GNAQ: variants seen among roughly 807,000 people sequenced by gnomAD.
GNAQ encodes G protein subunit alpha q.
In GNAQ, 8 loss-of-function variants were observed where a neutral mutation model predicts 43.9. That is an observed-to-expected ratio of 0.18 (90% CI 0.11 to 0.33). The LOEUF (loss-of-function observed/expected upper bound fraction) is 0.33. Among genes scored for constraint, GNAQ ranks in the 10% least tolerant of loss-of-function variants. GNAQ has a pLI of 1.00. For synonymous variants in GNAQ, 155 were observed against 170.7 expected (o/e 0.91, Z 0.71); for missense variants, 158 against 450.8 (o/e 0.35, Z 5.88).
chr9:77,909,169 A>G (rs1019896630), intron 2 of GNAQ, among the ~76,000 whole-genome samples: 10 of 152,202 alleles, frequency 6.6e-5, no homozygotes, highest in Admixed American at 1.3e-4. Flanking sequence ...CCACCCACAA[A>G]GCATATGGTA....
intron 1 of GNAQ, among the ~76,000 whole-genome samples, chr9:77,954,424 C>T (rs1823017632): frequency 6.6e-6 from 1 of 152,202 alleles, no homozygotes; most frequent in African/African-American, 2.4e-5. Flanking sequence ...AAGAGAAGAA[C>T]TGAGAGCACT....
chr9:77,906,633 A>G (rs1488460843), intron 2 of GNAQ, among the ~76,000 whole-genome samples: 3 of 152,232 alleles, frequency 2.0e-5, no homozygotes, highest in Admixed American at 1.3e-4. Flanking sequence ...TGAAATCTCC[A>G]AATTTCCAAG....
chr9:77,808,608 A>G (rs1161203741), intron 3 of GNAQ, among the ~76,000 whole-genome samples: 1 of 152,082 alleles, frequency 6.6e-6, no homozygotes, highest in Non-Finnish European at 1.5e-5. Context: ...TTAAGGTGCC[A>G]GGTTTTCATT....
intron 2 of GNAQ, among the ~76,000 whole-genome samples, chr9:77,840,145 T>C (rs1252606082): frequency 1.3e-5 from 2 of 152,312 alleles, no homozygotes; most frequent in East Asian, 1.9e-4. Context: ...TTTGGATGCA[T>C]AGTGTATTCA....
At chr9:77,737,385 G>A (rs1825590577) in intron 5 of GNAQ, among the ~76,000 whole-genome samples, 1 of 152,236 alleles carries the variant, frequency 6.6e-6, no homozygotes. Flanking sequence ...GTATCTAGGA[G>A]ATGGGTAATT....
chr9:77,845,965 A>G (rs922330019), intron 2 of GNAQ, among the ~76,000 whole-genome samples: 11 of 152,182 alleles, frequency 7.2e-5, no homozygotes, highest in African/African-American at 2.7e-4. Context: ...GAAACTAGAG[A>G]GAGTCAGAGG....
chr9:77,982,660 T>G (rs1220779186), intron 1 of GNAQ, among the ~76,000 whole-genome samples: 1 of 151,850 alleles, frequency 6.6e-6, no homozygotes, highest in African/African-American at 2.4e-5. Context: ...CATCAAATAT[T>G]CATTGCACAG....
chr9:77,819,370 G>C (rs747264594), intron 2 of GNAQ, among the ~76,000 whole-genome samples: 4 of 152,182 alleles, frequency 2.6e-5, no homozygotes, highest in Non-Finnish European at 5.9e-5. Flanking sequence ...AGGGAAGGAG[G>C]AACTGAGGTC....
intron 2 of GNAQ, among the ~76,000 whole-genome samples, chr9:77,910,864 C>A (rs1828790218): frequency 6.6e-6 from 1 of 152,114 alleles, no homozygotes; most frequent in Non-Finnish European, 1.5e-5. Flanking sequence ...TGCTTAACAC[C>A]ACACAACAGT....
chr9:77,871,732 T>C (rs978036742), intron 2 of GNAQ, among the ~76,000 whole-genome samples: 3 of 152,220 alleles, frequency 2.0e-5, no homozygotes, highest in Admixed American at 2.0e-4. Flanking sequence ...AAGTGTACTA[T>C]AAAAACATCA....
At chr9:77,781,791 G>A (rs556013028) in intron 5 of GNAQ, among the ~76,000 whole-genome samples, 3 of 152,200 alleles carry the variant, frequency 2.0e-5, no homozygotes, top group African/African-American at 7.2e-5. Context: ...AGATGCAGAA[G>A]AAATGTTTGA....
intron 1 of GNAQ, among the ~76,000 whole-genome samples, chr9:77,936,491 GT>G (rs1254813785): frequency 6.6e-6 from 1 of 152,048 alleles, no homozygotes; most frequent in African/African-American, 2.4e-5. Context: ...CCCCTGAAAT[GT>G]TTCATCATAG....
intron 1 of GNAQ, among the ~76,000 whole-genome samples, chr9:77,962,022 A>G (rs1823112356): frequency 6.6e-6 from 1 of 152,218 alleles, no homozygotes; most frequent in Non-Finnish European, 1.5e-5. Flanking sequence ...AATTAAAAAT[A>G]CAGTATCTAA....
Position 77,717,124 on chromosome 9 carries a change from A to C in GNAQ, c.*4199T>G, listed in dbSNP as rs1464586309. On this transcript the variant is annotated 3_prime_UTR_variant, in exon 7 of 7. Coordinates refer to ENST00000286548, the MANE Select transcript of GNAQ (RefSeq NM_002072.5). ...ACACAGTTACCAGGACAGATCTATTAACGCTACATATGCTGGAAATATGTA... is the reference window on the plus strand; with the variant it reads ...ACACAGTTACCAGGACAGATCTATTCACGCTACATATGCTGGAAATATGTA... 4.3e-6 allele frequency: 1 copy of C among 232,414 alleles called. No individual in the cohort carries two copies. Among genetic ancestry groups the C allele is most frequent in the African/African-American group, 2.2e-5 (1 of 45,314 alleles). 14.4% of individuals were successfully genotyped at this position (232,414 alleles called of 1,614,324 possible).
At position 77,965,992 on chromosome 9, in the gene GNAQ, T is replaced by C. The variant is rs562009647; in HGVS notation, c.137-43647A>G. Among the ~76,000 whole-genome samples, 5 of 152,214 alleles carry C rather than the reference T, an allele frequency of 3.3e-5. No individual in the cohort carries two copies. The South Asian group carries it at 8.3e-4, about 25-fold the overall frequency. Reference sequence around the variant, plus strand: ...TGTAGTACATCCATACAACAAAATATGTCTCAGCAAAAAGGAGCGAACTAT... The same window carrying C: ...TGTAGTACATCCATACAACAAAATACGTCTCAGCAAAAAGGAGCGAACTAT... On this transcript the variant is annotated intron_variant, in intron 1 of 6. Transcript: ENST00000286548.
At chr9:77,933,137 G>A (rs978308761) in intron 1 of GNAQ, among the ~76,000 whole-genome samples, 1 of 152,172 alleles carries the variant, frequency 6.6e-6, no homozygotes, top group Non-Finnish European at 1.5e-5. Flanking sequence ...GACTACCCAC[G>A]GAGGATGAAA....
At position 77,815,916 on chromosome 9, in the gene GNAQ, T is replaced by C. The variant is rs965011686; in HGVS notation, c.322-146A>G. ...GTTTACAATAAAGTCATGTTTCATA[T>C]TTTTTGTTTTTCTTAGAGAGAACTC... On this transcript the variant is annotated intron_variant, in intron 2 of 6. Coordinates refer to ENST00000286548, the MANE Select transcript of GNAQ (RefSeq NM_002072.5). The C allele has an allele frequency of 1.1e-5, 6 of 551,804 alleles. No individual in the cohort carries two copies. In the Admixed American group the frequency reaches 1.4e-4, roughly 13 times the overall value. The allele number at this position is 551,804 out of a possible 1,614,324, so 34.2% of individuals were successfully genotyped here. A position where few individuals can be genotyped will look rare whatever the true frequency, so the allele number is the denominator to read the frequency against.
intron 2 of GNAQ, among the ~76,000 whole-genome samples, chr9:77,851,001 C>T (rs1827667856): frequency 6.6e-6 from 1 of 152,056 alleles, no homozygotes; most frequent in South Asian, 2.1e-4. Flanking sequence ...GTGCTTGGTA[C>T]CTCATAAAGG....
chr9:77,952,122 G>A (rs1175697861), intron 1 of GNAQ, among the ~76,000 whole-genome samples: 6 of 152,192 alleles, frequency 3.9e-5, no homozygotes, highest in Non-Finnish European at 5.9e-5. Flanking sequence ...TGAGGTTTGG[G>A]TAGTATCTGT....
Sources: gnomAD v4.1 joint callset for allele counts (sites outside exome capture counted in the v4.1 genomes callset) on GRCh38, gnomAD v4.1.1 for gene constraint, MANE v1.5 for transcripts, NCBI Gene and HGNC (gene_info 2026-07-23, HGNC 2026-07-21) for gene names.